The following CTNNA3 variants were observed in gnomAD, a reference collection of about 807,000 sequenced individuals.
CTNNA3 encodes the protein catenin alpha-3.
CTNNA3 carries 76 observed loss-of-function variants against 95.7 expected under a neutral mutation model. The observed-to-expected ratio is 0.79, with a 90% CI of 0.66 to 0.96. The LOEUF (loss-of-function observed/expected upper bound fraction) is 0.96, where lower values mean the gene tolerates loss of function less well. Among genes scored for constraint, CTNNA3 ranks in the 40% least tolerant of loss-of-function variants. The pLI is 0.00. For missense variants in CTNNA3, 1,191 were observed against 1,089.8 expected, an observed-to-expected ratio of 1.09 and a Z score of -1.31; for synonymous variants, 431 against 374.4, an observed-to-expected ratio of 1.15 and a Z score of -1.74.
intron 7 of CTNNA3, among the ~76,000 whole-genome samples, chr10:66,943,007 A>G (rs973654886): frequency 1.3e-5 from 2 of 152,194 alleles, no homozygotes; most frequent in East Asian, 3.9e-4. Context: ...CAAACAAAAT[A>G]GCTTCTCAGG....
intron 12 of CTNNA3, among the ~76,000 whole-genome samples, chr10:66,329,710 T>A (rs1019294540): frequency 6.6e-6 from 1 of 151,960 alleles, no homozygotes; most frequent in Admixed American, 6.6e-5. Context: ...ATTTAATACT[T>A]TTTTTTCTCA....
At chr10:67,617,984 A>G (rs924316324) in intron 2 of CTNNA3, among the ~76,000 whole-genome samples, 16 of 152,178 alleles carry the variant, frequency 1.1e-4, no homozygotes, top group African/African-American at 3.8e-4. Context: ...CTACAAATAA[A>G]TATTTCAAAA....
intron 15 of CTNNA3, among the ~76,000 whole-genome samples, chr10:66,044,396 A>G (rs1056464143): frequency 6.6e-6 from 1 of 152,038 alleles, no homozygotes; most frequent in Non-Finnish European, 1.5e-5. Flanking sequence ...ATTTAAAACA[A>G]CACCCTTTAA....
chr10:66,344,345 C>T (rs2092483131), intron 12 of CTNNA3, among the ~76,000 whole-genome samples: 1 of 151,618 alleles, frequency 6.6e-6, no homozygotes, highest in South Asian at 2.1e-4. Context: ...CAGCTCACTG[C>T]AACCTCCGTC....
chr10:67,656,499 G>A (rs1840029438), intron 1 of CTNNA3, among the ~76,000 whole-genome samples: 1 of 152,102 alleles, frequency 6.6e-6, no homozygotes, highest in African/African-American at 2.4e-5. Flanking sequence ...CACGAGGAGA[G>A]TGTGACCATA....
intron 13 of CTNNA3, among the ~76,000 whole-genome samples, chr10:66,202,489 C>T (rs973110793): frequency 6.6e-6 from 1 of 152,166 alleles, no homozygotes; most frequent in African/African-American, 2.4e-5. Context: ...CATGTGACTG[C>T]GCTGGAGTCT....
At chr10:66,924,315 C>T (rs925440446) in intron 7 of CTNNA3, among the ~76,000 whole-genome samples, 1 of 152,162 alleles carries the variant, frequency 6.6e-6, no homozygotes, top group African/African-American at 2.4e-5. Context: ...CTTTATCAAA[C>T]ATCTCATCCT....
chr10:65,998,884 C>T (rs1823271550), intron 15 of CTNNA3, among the ~76,000 whole-genome samples: 1 of 152,084 alleles, frequency 6.6e-6, no homozygotes, highest in Admixed American at 6.5e-5. Flanking sequence ...TACCTGAAAA[C>T]CTGAACCTAA....
At chr10:66,254,209 C>T (rs2090669736) in intron 13 of CTNNA3, among the ~76,000 whole-genome samples, 1 of 152,162 alleles carries the variant, frequency 6.6e-6, no homozygotes, top group Admixed American at 6.5e-5. Flanking sequence ...AGCAGGCCAT[C>T]CAGAGGCAAA....
intron 15 of CTNNA3, among the ~76,000 whole-genome samples, chr10:66,058,716 A>AC (rs1336025965): frequency 1.3e-5 from 2 of 152,144 alleles, no homozygotes; most frequent in African/African-American, 4.8e-5. Flanking sequence ...GTAAGAAAAC[A>AC]CCTGGCTCAC....
chr10:66,630,579 C>T (rs1050604872), intron 9 of CTNNA3, among the ~76,000 whole-genome samples: 2 of 152,124 alleles, frequency 1.3e-5, no homozygotes, highest in Non-Finnish European at 2.9e-5. Flanking sequence ...GAAAGAGGCA[C>T]AGTAACTTCC....
intron 13 of CTNNA3, among the ~76,000 whole-genome samples, chr10:66,116,593 A>T (rs754511881): frequency 2.0e-5 from 3 of 152,206 alleles, no homozygotes; most frequent in Admixed American, 6.5e-5. Flanking sequence ...GGATCTAAAA[A>T]TAATTATACT....
At chr10:66,675,348 T>G (rs1846816735) in intron 9 of CTNNA3, among the ~76,000 whole-genome samples, 1 of 152,058 alleles carries the variant, frequency 6.6e-6, no homozygotes, top group Non-Finnish European at 1.5e-5. Context: ...GCTTCTTTAG[T>G]CATTTTCATG....
chr10:66,811,491 C>G (rs757063333), intron 7 of CTNNA3, among the ~76,000 whole-genome samples: 6 of 152,160 alleles, frequency 3.9e-5, no homozygotes, highest in Admixed American at 2.0e-4. Context: ...CACTATAATT[C>G]TTTAGCTTCC....
intron 5 of CTNNA3, among the ~76,000 whole-genome samples, chr10:67,330,713 A>AT (rs1841751293): frequency 2.6e-5 from 4 of 151,358 alleles, no homozygotes; most frequent in Non-Finnish European, 5.9e-5. Context: ...TAAAAAAAAA[A>AT]GCTCCTTATT....
At chr10:67,471,351 T>C (rs564720358) in intron 5 of CTNNA3, among the ~76,000 whole-genome samples, 5 of 152,148 alleles carry the variant, frequency 3.3e-5, no homozygotes, top group Non-Finnish European at 7.3e-5. Context: ...AGCTTCCATT[T>C]CTCTTGGAAT....
chr10:66,316,718 C>T (rs1222582769), intron 12 of CTNNA3, among the ~76,000 whole-genome samples: 2 of 151,968 alleles, frequency 1.3e-5, no homozygotes, highest in Non-Finnish European at 2.9e-5. Flanking sequence ...ATTTTCTCCC[C>T]CTATCATTGT....
intron 1 of CTNNA3, chr10:67,648,818 T>G (rs1055994566): frequency 7.8e-7 from 1 of 1,286,446 alleles, no homozygotes; most frequent in East Asian, 5.5e-5. Flanking sequence ...GCGATTCAGC[T>G]GCAATGTAAG....
chr10:67,614,387 T>C (rs1013759879), intron 2 of CTNNA3, among the ~76,000 whole-genome samples: 1 of 152,224 alleles, frequency 6.6e-6, no homozygotes, highest in East Asian at 1.9e-4. Context: ...ATGAAATAAC[T>C]ATACAACTCA....
Sources: gnomAD v4.1 joint callset for allele counts (sites outside exome capture counted in the v4.1 genomes callset) on GRCh38, gnomAD v4.1.1 for gene constraint, MANE v1.5 for transcripts, NCBI Gene and HGNC (gene_info 2026-07-23, HGNC 2026-07-21) for gene names.